The following SRBD1 variants were observed in gnomAD, a reference collection of about 807,000 sequenced individuals.
The protein encoded by SRBD1 is S1 RNA-binding domain-containing protein 1.
A neutral mutation model predicts 115.3 loss-of-function variants in SRBD1; 88 were observed. The ratio of observed to expected loss-of-function variants is 0.76; its 90% CI spans 0.64 to 0.91. The LOEUF is 0.91. SRBD1 is among the 40% of genes least tolerant of loss of function. SRBD1 has a pLI of 0.00. For synonymous variants in SRBD1, 509 were observed against 407.7 expected (o/e 1.25, Z -2.99); for missense variants, 1,385 against 1,177.4 (o/e 1.18, Z -2.58).
intron 11 of SRBD1, 29 bp from the exon 12 acceptor site, chr2:45,551,311 T>C: frequency 1.3e-6 from 2 of 1,574,168 alleles, no homozygotes; most frequent in Non-Finnish European, 1.7e-6. Flanking sequence ...AGAAAAAGTT[T>C]TTCATTCACC....
chr2:45,579,843 A>G (rs1323473192), intron 7 of SRBD1, 32 bp downstream of exon 7: 2 of 1,490,338 alleles, frequency 1.3e-6, no homozygotes, highest in Non-Finnish European at 1.8e-6. Context: ...AAAAAAAGAA[A>G]CAAAGTTGAT....
rs1164823433 is a variant in SRBD1, at chr2:45,573,230, T to C, written c.1282A>G (p.Ile428Val). Reference sequence around the variant, plus strand: ...ACCTGATGATGGTGAATGTTTCTTATGTTGCAGGAAAAATGCTGGTAGAGC... The same window carrying C: ...ACCTGATGATGGTGAATGTTTCTTACGTTGCAGGAAAAATGCTGGTAGAGC... ...FLLYQHFSCN[I>V]RNIHHHQILA... is the part of the protein sequence containing the mutation. Residue 428 changes from isoleucine (I) to valine (V), a missense_variant, in exon 9 of 21, where the codon ATA (isoleucine) becomes GTA (valine). Ile to Val is a conservative substitution (Grantham distance 29). Coordinates refer to ENST00000263736, the MANE Select transcript of SRBD1 (RefSeq NM_018079.5). 2 of 1,610,150 alleles carry C rather than the reference T, an allele frequency of 1.2e-6. No homozygotes were observed. Among genetic ancestry groups the C allele is most frequent in the African/African-American group, 1.3e-5 (1 of 74,814 alleles).
At chr2:45,405,919 G>A (rs1667423785) in intron 19 of SRBD1, among the ~76,000 whole-genome samples, 1 of 152,076 alleles carries the variant, frequency 6.6e-6, no homozygotes, top group Non-Finnish European at 1.5e-5. Context: ...AGGTCTAAGG[G>A]AAAGTAAGAT....
Position 45,413,191 on chromosome 2 carries a change from A to G in SRBD1, c.2436T>C (p.Thr812=), listed in dbSNP as rs1367095990. ...TTGGCTTCAGTAAAACATTCACTGC[A>G]GTTTTGCTCTTCTTTTTGCCCTGCT... ...NEKQGKKKSK[T]AVNVLLKPNP... is the part of the protein sequence containing the mutation. The change falls in exon 19 of 21, where the codon ACT becomes ACC. Residue 812 remains threonine (T), a synonymous_variant. Transcript: ENST00000263736. 3 of 1,614,004 alleles carry G rather than the reference A, an allele frequency of 1.9e-6. No homozygotes were observed. Among genetic ancestry groups the G allele is most frequent in the Admixed American group, 1.7e-5 (1 of 60,002 alleles).
intron 19 of SRBD1, among the ~76,000 whole-genome samples, chr2:45,406,914 C>T (rs1018484463): frequency 1.3e-5 from 2 of 151,886 alleles, no homozygotes; most frequent in Non-Finnish European, 1.5e-5. Context: ...TAACACAAGC[C>T]CTGTTACTTT....
intron 4 of SRBD1, among the ~76,000 whole-genome samples, chr2:45,588,811 G>T (rs1673628228): frequency 6.6e-6 from 1 of 152,190 alleles, no homozygotes; most frequent in Admixed American, 6.5e-5. Flanking sequence ...TATGAGGATG[G>T]TGGTGCTAAG....
At chr2:45,443,588 T>C (rs1242643915) in intron 16 of SRBD1, among the ~76,000 whole-genome samples, 8 of 152,032 alleles carry the variant, frequency 5.3e-5, no homozygotes, top group Admixed American at 5.2e-4. Context: ...AGGGACGAGA[T>C]CAATGGTGTT....
At chr2:45,481,178 T>C (rs1343698308) in intron 15 of SRBD1, among the ~76,000 whole-genome samples, 2 of 152,172 alleles carry the variant, frequency 1.3e-5, no homozygotes, top group Admixed American at 6.6e-5. Flanking sequence ...TAACACACTA[T>C]AGTATAAACA....
At chr2:45,534,661 C>A (rs1193054208) in intron 14 of SRBD1, among the ~76,000 whole-genome samples, 1 of 151,900 alleles carries the variant, frequency 6.6e-6, no homozygotes, top group South Asian at 2.1e-4. Context: ...ATACAAAAAT[C>A]CTGATTTCAA....
intron 16 of SRBD1, among the ~76,000 whole-genome samples, chr2:45,440,062 T>C (rs2103704619): frequency 6.6e-6 from 1 of 152,302 alleles, no homozygotes; most frequent in Admixed American, 6.5e-5. Flanking sequence ...ATTCTCAGCA[T>C]AGCTTCTGTA....
chr2:45,529,574 T>C (rs376959466), intron 14 of SRBD1, among the ~76,000 whole-genome samples: 1 of 151,996 alleles, frequency 6.6e-6, no homozygotes, highest in East Asian at 1.9e-4. Flanking sequence ...AAAAATCTGA[T>C]TTCATGGTAG....
intron 15 of SRBD1, among the ~76,000 whole-genome samples, chr2:45,485,246 C>T (rs1023242183): frequency 1.3e-5 from 2 of 152,160 alleles, no homozygotes; most frequent in African/African-American, 2.4e-5. Flanking sequence ...ATAGGGGTTT[C>T]GTGATCCATC....
chr2:45,435,709 C>T (rs1219663021), intron 16 of SRBD1, among the ~76,000 whole-genome samples: 1 of 152,112 alleles, frequency 6.6e-6, no homozygotes, highest in African/African-American at 2.4e-5. Context: ...TCTGCTGATA[C>T]CCAGAAAGGG....
chr2:45,572,759 G>A lies in SRBD1; in HGVS notation c.1305+448C>T, dbSNP rs186845938. Among the ~76,000 whole-genome samples the A allele has an allele frequency of 3.6e-3, 545 of 151,958 alleles. 3 individuals carry two copies. The highest frequency in any genetic ancestry group is 0.012 in the African/African-American group (510 of 41,480). On this transcript the variant is annotated intron_variant, in intron 9 of 20. Transcript: ENST00000263736. ...TAGATATAGCCTACGACTACACTTA[G>A]GAAAAAAAATTAGTAAACTGAAAAA...
chr2:45,560,347 G>A (rs1489016295), intron 10 of SRBD1, among the ~76,000 whole-genome samples: 1 of 152,128 alleles, frequency 6.6e-6, no homozygotes. Flanking sequence ...CTCTGATACT[G>A]AGTATTATGA....
chr2:45,509,757 C>T (rs1247696805), intron 14 of SRBD1, among the ~76,000 whole-genome samples: 4 of 152,116 alleles, frequency 2.6e-5, no homozygotes, highest in African/African-American at 4.8e-5. Flanking sequence ...TCTTTTAAGA[C>T]AGGGTCTCAC....
intron 16 of SRBD1, 106 bp downstream of exon 16, chr2:45,476,887 T>C: frequency 9.9e-7 from 1 of 1,014,122 alleles, no homozygotes; most frequent in Non-Finnish European, 1.5e-6. Context: ...TGTATAACCT[T>C]GAAAATGGGA....
intron 10 of SRBD1, among the ~76,000 whole-genome samples, chr2:45,558,464 A>G (rs1021883859): frequency 6.6e-6 from 1 of 152,174 alleles, no homozygotes; most frequent in African/African-American, 2.4e-5. Context: ...TACTAGTAAC[A>G]TACAATTCCA....
intron 15 of SRBD1, among the ~76,000 whole-genome samples, chr2:45,483,545 A>G (rs1473120364): frequency 1.3e-5 from 2 of 152,138 alleles, no homozygotes; most frequent in Non-Finnish European, 2.9e-5. Flanking sequence ...GTTCTATGAA[A>G]TATCTAGAAT....
Sources: allele counts gnomAD v4.1 joint callset (sites outside exome capture counted in the v4.1 genomes callset), GRCh38; gene constraint gnomAD v4.1.1; transcripts MANE v1.5; gene names NCBI Gene and HGNC (gene_info 2026-07-23, HGNC 2026-07-21).